CLDN10: variants seen among roughly 807,000 people sequenced by gnomAD.
CLDN10 encodes claudin-10.
A neutral mutation model predicts 22.9 loss-of-function variants in CLDN10; 15 were observed. The observed-to-expected ratio is 0.65, with a 90% CI of 0.44 to 1.01. The LOEUF is 1.01. Among genes scored for constraint, CLDN10 ranks in the 50% least tolerant of loss-of-function variants. The pLI is 0.00. For missense variants in CLDN10, 247 were observed against 287.8 expected (o/e 0.86, Z 1.03); for synonymous variants, 114 against 111.4 (o/e 1.02, Z -0.15).
At chr13:95,464,371 G>A (rs1258709877) in intron 1 of CLDN10, among the ~76,000 whole-genome samples, 1 of 152,006 alleles carries the variant, frequency 6.6e-6, no homozygotes, top group African/African-American at 2.4e-5. Context: ...TTGTCCTTGC[G>A]ATAGTTTGCT....
intron 1 of CLDN10, among the ~76,000 whole-genome samples, chr13:95,540,620 A>G (rs1315238169): frequency 6.6e-6 from 1 of 152,250 alleles, no homozygotes; most frequent in Non-Finnish European, 1.5e-5. Context: ...TATCAGACAA[A>G]TAACTAAACA....
intron 1 of CLDN10, among the ~76,000 whole-genome samples, chr13:95,455,824 G>A (rs1290112846): frequency 6.6e-6 from 1 of 152,196 alleles, no homozygotes; most frequent in East Asian, 1.9e-4. Context: ...AAATCTCCCA[G>A]TGAGTTACAA....
chr13:95,559,996 C>T, intron 1 of CLDN10, 136 bp from the exon 2 acceptor site: 2 of 830,568 alleles, frequency 2.4e-6, no homozygotes, highest in South Asian at 1.8e-5. Flanking sequence ...TCCTTTCTTG[C>T]TTGTCTTGCC....
chr13:95,461,497 G>A (rs571581926), intron 1 of CLDN10, among the ~76,000 whole-genome samples: 3 of 152,200 alleles, frequency 2.0e-5, no homozygotes, highest in South Asian at 4.1e-4. Context: ...TTCTATGGTG[G>A]TGTCTCCAGC....
chr13:95,458,976 G>C (rs1372880073), intron 1 of CLDN10, among the ~76,000 whole-genome samples: 1 of 152,152 alleles, frequency 6.6e-6, no homozygotes, highest in Non-Finnish European at 1.5e-5. Flanking sequence ...TTACAAATGG[G>C]AGAAATTGGC....
chr13:95,475,868 C>T (rs558593318), intron 1 of CLDN10, among the ~76,000 whole-genome samples: 1 of 152,208 alleles, frequency 6.6e-6, no homozygotes, highest in East Asian at 1.9e-4. Context: ...CCCTCTCTCC[C>T]TGTCGGGACT....
At chr13:95,434,467 A>G (rs2042244441) in intron 1 of CLDN10, among the ~76,000 whole-genome samples, 1 of 120,660 alleles carries the variant, frequency 8.3e-6, no homozygotes, top group African/African-American at 3.4e-5. Flanking sequence ...CTATATATAT[A>G]TACACCCACA....
chr13:95,486,522 CAA>C (rs35424054), intron 1 of CLDN10, among the ~76,000 whole-genome samples: 4,241 of 113,230 alleles, frequency 0.037, 93 homozygotes, highest in African/African-American at 0.078. Context: ...GACCCCATCT[CAA>C]AAAAAAAAAA....
intron 1 of CLDN10, among the ~76,000 whole-genome samples, chr13:95,522,931 T>C (rs2043238210): frequency 6.6e-6 from 1 of 151,938 alleles, no homozygotes; most frequent in South Asian, 2.1e-4. Context: ...TCAACTTTTC[T>C]TTATCTTCAT....
upstream of CLDN10, among the ~76,000 whole-genome samples, chr13:95,549,679 A>G (rs187093929): frequency 2.8e-3 from 430 of 152,356 alleles, 2 homozygotes; most frequent in African/African-American, 9.8e-3. Flanking sequence ...AGCTTTCCAC[A>G]GTAACTATGT....
intron 1 of CLDN10, among the ~76,000 whole-genome samples, chr13:95,511,610 G>A (rs1337757086): frequency 6.7e-6 from 1 of 148,844 alleles, no homozygotes; most frequent in African/African-American, 2.4e-5. Context: ...AGTCATCTTA[G>A]ACAAAGATTC....
In CLDN10 at chr13:95,552,834, C is replaced by T; in HGVS notation, c.81C>T (p.Thr27=). ...TACTGGTGTCCTCCACGCTGCCCAC[C>T]GACTACTGGAAGGTGTCTACCATCG... The part of the protein sequence containing the change: ...GWVLVSSTLP[T]DYWKVSTIDG... The change falls in exon 1 of 5, where the codon ACC becomes ACT. Residue 27 remains threonine, a synonymous_variant. Transcript: ENST00000299339. 6.2e-7 allele frequency: 1 copy of T among 1,614,106 alleles called. No homozygotes were observed. Among genetic ancestry groups the T allele is most frequent in the Non-Finnish European group, 8.5e-7 (1 of 1,179,996 alleles).
At chr13:95,462,928 A>T (rs1459654876) in intron 1 of CLDN10, among the ~76,000 whole-genome samples, 11 of 152,190 alleles carry the variant, frequency 7.2e-5, no homozygotes, top group Non-Finnish European at 2.9e-5. Context: ...GCTCAGGGAT[A>T]CAAAAGAGTA....
chr13:95,553,112 C>A, intron 1 of CLDN10, 139 bp downstream of exon 1: 1 of 1,203,444 alleles, frequency 8.3e-7, no homozygotes, highest in Non-Finnish European at 1.1e-6. Context: ...CCCAACAGGG[C>A]CTTAGGGAGC....
intron 1 of CLDN10, among the ~76,000 whole-genome samples, chr13:95,443,319 T>C (rs1285023501): frequency 6.6e-6 from 1 of 152,260 alleles, no homozygotes. Context: ...TCTAGTTACA[T>C]GCTTCAAAAG....
chr13:95,464,334 G>A (rs2042564447), intron 1 of CLDN10, among the ~76,000 whole-genome samples: 1 of 151,942 alleles, frequency 6.6e-6, no homozygotes, highest in African/African-American at 2.4e-5. Context: ...TCCCACCTAT[G>A]AGTGAGAACA....
At chr13:95,455,622 T>C (rs930328199) in intron 1 of CLDN10, among the ~76,000 whole-genome samples, 13 of 152,244 alleles carry the variant, frequency 8.5e-5, no homozygotes, top group Non-Finnish European at 1.3e-4. Context: ...AATAAATTCT[T>C]TATTCATGAA....
intron 1 of CLDN10, among the ~76,000 whole-genome samples, chr13:95,478,932 T>C (rs1287722343): frequency 6.6e-6 from 1 of 152,256 alleles, no homozygotes; most frequent in Non-Finnish European, 1.5e-5. Context: ...GGGCTGCAAC[T>C]GCAGCCTAAG....
intron 3 of CLDN10, among the ~76,000 whole-genome samples, chr13:95,561,206 C>T (rs2043707454): frequency 6.6e-6 from 1 of 152,136 alleles, no homozygotes; most frequent in African/African-American, 2.4e-5. Context: ...CTTTAGGAAG[C>T]CTCACGTACG....
Sources: allele counts gnomAD v4.1 joint callset (sites outside exome capture counted in the v4.1 genomes callset), GRCh38; gene constraint gnomAD v4.1.1; transcripts MANE v1.5; gene names NCBI Gene and HGNC (gene_info 2026-07-23, HGNC 2026-07-21).